KLHL13: variants seen among roughly 807,000 people sequenced by gnomAD.
KLHL13 encodes kelch like family member 13, also known as kelch-like protein 13.
Under a neutral mutation model 37.1 loss-of-function variants are expected in KLHL13, and 10 were observed. That is an observed-to-expected ratio of 0.27 (90% CI 0.17 to 0.46). The LOEUF is 0.46. Among genes scored for constraint, KLHL13 ranks in the 20% least tolerant of loss-of-function variants. The pLI, the probability that KLHL13 is intolerant of heterozygous loss-of-function variation, is 1.00. For synonymous variants in KLHL13, 163 were observed against 181.2 expected (o/e 0.90, Z 0.81); for missense variants, 360 against 509.3 (o/e 0.71, Z 2.82).
chrX:118,079,723 A>G (rs2054968540), intron 1 of KLHL13, among the ~76,000 whole-genome samples: 1 of 111,582 alleles, frequency 9.0e-6, no homozygotes, highest in South Asian at 3.8e-4. Flanking sequence ...TACCCAAAGC[A>G]ATTTACAGAT....
intron 2 of KLHL13, among the ~76,000 whole-genome samples, chrX:117,934,834 T>C (rs1022931154): frequency 9.1e-6 from 1 of 109,835 alleles, no homozygotes; most frequent in East Asian, 2.8e-4. Flanking sequence ...AAGAATAAGA[T>C]TTTTTTTCTT....
chrX:118,064,820 C>T (rs1229293650), intron 1 of KLHL13, among the ~76,000 whole-genome samples: 1 of 111,585 alleles, frequency 9.0e-6, no homozygotes, highest in African/African-American at 3.3e-5. Context: ...TTCACTGCTT[C>T]TAGGATAACA....
intron 2 of KLHL13, among the ~76,000 whole-genome samples, chrX:117,925,297 C>G (rs1025739254): frequency 8.9e-6 from 1 of 111,791 alleles, no homozygotes; most frequent in African/African-American, 3.2e-5. Context: ...AACAAACTTA[C>G]TAGCATATTA....
intron 1 of KLHL13, among the ~76,000 whole-genome samples, chrX:118,102,045 A>T (rs2055295167): frequency 8.9e-6 from 1 of 111,759 alleles, no homozygotes; most frequent in African/African-American, 3.3e-5. Flanking sequence ...TAGTTTGGGG[A>T]AGTCCAAGTA....
chrX:118,063,076 TTGGGGTTAAGGGATGATCTAAATAGATA>T (rs1281695162), intron 1 of KLHL13, among the ~76,000 whole-genome samples: 7 of 111,335 alleles, frequency 6.3e-5, no homozygotes, highest in Admixed American at 2.9e-4. Context: ...CAGCCTAGCA[TTGGGGTTAAGGGATGATCTAAATAGATA>T]TGCAGAGAGA....
At chrX:117,963,271 T>G (rs1231921038) in intron 1 of KLHL13, among the ~76,000 whole-genome samples, 1 of 111,418 alleles carries the variant, frequency 9.0e-6, no homozygotes. Flanking sequence ...GAAAAATATT[T>G]TAGTATAATT....
At chrX:118,019,973 T>A (rs1264324934) in intron 1 of KLHL13, among the ~76,000 whole-genome samples, 1 of 108,013 alleles carries the variant, frequency 9.3e-6, no homozygotes, top group Non-Finnish European at 1.9e-5. Context: ...CTTGGTGATG[T>A]GGGCTCTTTT....
At chrX:118,031,703 T>C (rs1426628734) in intron 1 of KLHL13, among the ~76,000 whole-genome samples, 1 of 103,456 alleles carries the variant, frequency 9.7e-6, no homozygotes, top group Non-Finnish European at 1.9e-5. Flanking sequence ...ATCATATATA[T>C]AGACAAATAT....
chrX:117,911,505 C>T (rs1369509443), intron 4 of KLHL13, among the ~76,000 whole-genome samples: 1 of 110,603 alleles, frequency 9.0e-6, no homozygotes, highest in Non-Finnish European at 1.9e-5. Flanking sequence ...ACCTATCAAC[C>T]CGTCATCTAC....
intron 1 of KLHL13, among the ~76,000 whole-genome samples, chrX:117,967,547 G>A (rs1052604898): frequency 9.0e-6 from 1 of 111,348 alleles, no homozygotes; most frequent in African/African-American, 3.3e-5. Context: ...TCTTCCCTCT[G>A]TAGAAAGTGG....
rs182944720 is a variant in KLHL13, at chrX:117,956,711, A to C, written c.99-11136T>G. 1.2e-3 allele frequency among the ~76,000 whole-genome samples: 132 copies of C among 111,522 alleles called. 1 individual carries two copies. The highest frequency in any genetic ancestry group is 4.1e-3 in the African/African-American group (127 of 30,791). On this transcript the variant is annotated intron_variant, in intron 1 of 6. Coordinates refer to ENST00000262820, the Ensembl canonical transcript of KLHL13. The stretch of plus-strand genomic sequence containing the variant: ...CTGACTCTCAGTGTAGATGAGAAGC[A>C]GACAAAAGGGGAGAAGAGTCACCAT...
At chrX:117,945,275 T>G (rs1199498080) in intron 2 of KLHL13, among the ~76,000 whole-genome samples, 159 bp downstream of exon 3, 1 of 111,911 alleles carries the variant, frequency 8.9e-6, no homozygotes, top group Non-Finnish European at 1.9e-5. Flanking sequence ...AGAGCCATTT[T>G]GGGTTCACAG....
chrX:118,099,917 A>AG (rs1393280261), intron 1 of KLHL13, among the ~76,000 whole-genome samples: 5 of 101,639 alleles, frequency 4.9e-5, no homozygotes, highest in Admixed American at 3.0e-4. Context: ...GAAGGAAGGA[A>AG]GAAAGGAAGG....
intron 1 of KLHL13, among the ~76,000 whole-genome samples, chrX:118,056,584 TA>T (rs1192969757): frequency 8.9e-6 from 1 of 112,323 alleles, no homozygotes; most frequent in Non-Finnish European, 1.9e-5. Flanking sequence ...TTACAGTAGA[TA>T]ATATACTTAC....
chrX:118,085,796 G>GGTGTGTGTGTGTGTGTGT (rs4025518), intron 1 of KLHL13, among the ~76,000 whole-genome samples: 1 of 85,603 alleles, frequency 1.2e-5, no homozygotes, highest in African/African-American at 4.3e-5. Flanking sequence ...AATATTCCAT[G>GGTGTGTGTGTGTGTGTGT]GTGTGTGTGT....
chrX:117,935,322 T>C (rs1171162772), intron 2 of KLHL13, among the ~76,000 whole-genome samples: 1 of 112,258 alleles, frequency 8.9e-6, no homozygotes. Context: ...TAGATGAACA[T>C]TGAAAACATT....
At chrX:117,940,886 CA>C (rs1932988591) in intron 2 of KLHL13, among the ~76,000 whole-genome samples, 1 of 111,743 alleles carries the variant, frequency 8.9e-6, no homozygotes, top group Admixed American at 9.5e-5. Context: ...ATGTCATCTG[CA>C]AACAGAGACA....
At chrX:118,086,234 A>C (rs1223847217) in intron 1 of KLHL13, among the ~76,000 whole-genome samples, 3 of 111,553 alleles carry the variant, frequency 2.7e-5, no homozygotes, top group Non-Finnish European at 5.7e-5. Flanking sequence ...CCATGCCCGG[A>C]TGTCTTTTTT....
intron 1 of KLHL13, among the ~76,000 whole-genome samples, chrX:118,109,766 G>A (rs776852061): frequency 1.8e-5 from 2 of 112,144 alleles, no homozygotes; most frequent in East Asian, 2.8e-4. Context: ...CACTTAATAA[G>A]TATTTGTTGA....
Sources: gnomAD v4.1 joint callset for allele counts (sites outside exome capture counted in the v4.1 genomes callset) on GRCh38, gnomAD v4.1.1 for gene constraint, MANE v1.5 for transcripts, NCBI Gene and HGNC (gene_info 2026-07-23, HGNC 2026-07-21) for gene names.